Variants in UGGT2 observed in about 807,000 individuals in gnomAD.
UGGT2 encodes UDP-glucose glycoprotein glucosyltransferase 2, also known as UDP-glucose:glycoprotein glucosyltransferase 2.
A neutral mutation model predicts 192.1 loss-of-function variants in UGGT2; 180 were observed. The ratio of observed to expected loss-of-function variants is 0.94; its 90% CI spans 0.83 to 1.06. The LOEUF is 1.06. Among genes scored for constraint, UGGT2 ranks in the 50% least tolerant of loss-of-function variants. The probability of loss-of-function intolerance (pLI) is 0.00; values close to 1 mark genes in which losing one functional copy is unlikely to be tolerated. For missense variants in UGGT2, 1,849 were observed against 1,795.7 expected (o/e 1.03, Z -0.54); for synonymous variants, 580 against 591.0 (o/e 0.98, Z 0.27).
intron 26 of UGGT2, among the ~76,000 whole-genome samples, chr13:95,885,848 G>A (rs2047630513): frequency 6.6e-6 from 1 of 151,768 alleles, no homozygotes; most frequent in African/African-American, 2.4e-5. Flanking sequence ...CAAAGAGAAA[G>A]TTAAAGAGAA....
At chr13:96,003,675 T>G (rs2051878621) in intron 5 of UGGT2, among the ~76,000 whole-genome samples, 1 of 152,116 alleles carries the variant, frequency 6.6e-6, no homozygotes. Context: ...AAAGGCCATG[T>G]AGAAAAAGAC....
At position 95,847,556 on chromosome 13, in the gene UGGT2, A is replaced by G. The variant is rs538633676; in HGVS notation, c.4284+5987T>C. ...TGTCATATAGTTAGAATAATACAGT[A>G]TGTAATCTTTTCAGATTGGCTTCTT... On this transcript the variant is annotated intron_variant, in intron 36 of 38. Transcript: ENST00000376747. 5.3e-5 allele frequency among the ~76,000 whole-genome samples: 8 copies of G among 152,336 alleles called. 1 individual carries two copies. The highest frequency in any genetic ancestry group is 1.9e-4 in the African/African-American group (8 of 41,582).
At chr13:95,979,703 G>A (rs1317972175) in intron 10 of UGGT2, among the ~76,000 whole-genome samples, 2 of 152,062 alleles carry the variant, frequency 1.3e-5, no homozygotes, top group African/African-American at 4.8e-5. Flanking sequence ...AAGGACAGCA[G>A]AGTTAGCAGA....
chr13:95,858,938 T>C (rs1381966904), intron 33 of UGGT2, among the ~76,000 whole-genome samples: 1 of 152,204 alleles, frequency 6.6e-6, no homozygotes, highest in African/African-American at 2.4e-5. Context: ...GCTTTTGGTC[T>C]AGAAAAAACA....
chr13:95,964,796 T>TA (rs2050514797), intron 12 of UGGT2, among the ~76,000 whole-genome samples: 1 of 151,516 alleles, frequency 6.6e-6, no homozygotes, highest in Non-Finnish European at 1.5e-5. Context: ...CTACCATCAG[T>TA]GTGAACAGGC....
At chr13:95,873,451 T>C (rs935184248) in intron 29 of UGGT2, among the ~76,000 whole-genome samples, 1 of 152,176 alleles carries the variant, frequency 6.6e-6, no homozygotes, top group Non-Finnish European at 1.5e-5. Context: ...CCCAAATGGG[T>C]CCAGCTGGTA....
chr13:95,937,186 G>A (rs2049495371), intron 16 of UGGT2, 98 bp from the exon 17 acceptor site: 9 of 1,315,030 alleles, frequency 6.8e-6, no homozygotes, highest in African/African-American at 6.2e-5. Context: ...ATATGCCATA[G>A]GAAAAAACAT....
chr13:95,930,963 G>C (rs2049237719), intron 17 of UGGT2, among the ~76,000 whole-genome samples: 2 of 152,146 alleles, frequency 1.3e-5, no homozygotes, highest in South Asian at 4.1e-4. Context: ...AAGAGCAAAA[G>C]AACAAACCTC....
chr13:95,834,217 TTG>T (rs3052314), intron 37 of UGGT2, among the ~76,000 whole-genome samples: 99,032 of 150,826 alleles, frequency 0.66, 34,333 homozygotes, highest in Non-Finnish European at 0.79. Flanking sequence ...TACATTGGGT[TTG>T]TGTGTGTGTG....
chr13:95,894,081 G>A (rs1242436283), intron 24 of UGGT2, among the ~76,000 whole-genome samples: 2 of 152,200 alleles, frequency 1.3e-5, no homozygotes, highest in Admixed American at 1.3e-4. Flanking sequence ...CACCTTGCTG[G>A]CCTGAGGCAG....
rs756367512 is a variant in UGGT2, at chr13:95,895,226, C to T, written c.2713G>A (p.Glu905Lys). 1 of 1,581,306 alleles carries T rather than the reference C, an allele frequency of 6.3e-7. No homozygotes were observed. Among genetic ancestry groups the T allele is most frequent in the African/African-American group, 1.4e-5 (1 of 73,238 alleles). Reference protein sequence around the residue: ...LEKITFSNLGEKIKGIVENMG... With the variant: ...LEKITFSNLGKKIKGIVENMG... ...TTTTCAACAATGCCTTTAATTTTCT[C>T]TCCTAAATTACTAAATGTTATCTTT... is the stretch of plus-strand genomic sequence containing the variant. The change falls in exon 23 of 39, where the codon GAG becomes AAG. Residue 905 changes from glutamate to lysine, a missense_variant. By Grantham distance (56) the Glu-to-Lys change is moderately conservative. Transcript: ENST00000376747.
intron 12 of UGGT2, among the ~76,000 whole-genome samples, chr13:95,951,081 A>G (rs2050046511): frequency 6.6e-6 from 1 of 152,242 alleles, no homozygotes; most frequent in African/African-American, 2.4e-5. Flanking sequence ...AGTCAGAGGC[A>G]GTGGCTTCAG....
chr13:96,004,477 TAC>T (rs2051907316), intron 5 of UGGT2, among the ~76,000 whole-genome samples: 1 of 152,100 alleles, frequency 6.6e-6, no homozygotes. Context: ...GGTATAAAAA[TAC>T]AGTTAGGAAG....
chr13:95,848,232 A>G (rs562139836), intron 36 of UGGT2, among the ~76,000 whole-genome samples: 105 of 152,330 alleles, frequency 6.9e-4, no homozygotes, highest in Non-Finnish European at 1.2e-3. Flanking sequence ...TTTTACAAAT[A>G]TATTTTTGCC....
chr13:95,867,830 A>G (rs1248850813), intron 29 of UGGT2, among the ~76,000 whole-genome samples: 1 of 152,168 alleles, frequency 6.6e-6, no homozygotes, highest in African/African-American at 2.4e-5. Flanking sequence ...ACACTATCCA[A>G]CTTTTTAATA....
In UGGT2 at chr13:95,949,336, A is replaced by G. The variant is rs2140612644; in HGVS notation, c.1454T>C (p.Leu485Ser). Residue 485 changes from leucine (L) to serine (S), a missense_variant and splice_region_variant, in exon 13 of 39, where the codon TTG (leucine) becomes TCG (serine). Coordinates refer to ENST00000376747, the MANE Select transcript of UGGT2 (RefSeq NM_020121.4). ...GTATAATCAAAATATAAAACTCACC[A>G]AATTATGAAAATTGCGCCTTATGGA... ...VPSIRRNFHN[L>S]VLFIDPAQEY... 1 of 1,533,212 alleles carries G rather than the reference A, an allele frequency of 6.5e-7. No homozygotes were observed. The highest frequency in any genetic ancestry group is 2.4e-4 in the Middle Eastern group (1 of 4,146). The allele number at this position is 1,533,212 out of a possible 1,614,324, so 95.0% of individuals were successfully genotyped here. A position where few individuals can be genotyped will look rare whatever the true frequency, so the allele number is the denominator to read the frequency against.
Position 95,833,037 on chromosome 13 carries a change from G to GT in UGGT2, c.4417dup (p.Thr1473AsnfsTer20), listed in dbSNP as rs771116508. 1.2e-6 allele frequency: 2 copies of GT among 1,612,014 alleles called. No individual in the cohort carries two copies. The highest frequency in any genetic ancestry group is 2.2e-5 in the South Asian group (2 of 90,990). ...AGCAGCTTTTAGTTTGGATTCTTTT[G>GT]TTTTGGGATTATTGCACTAAAAGTT... On this transcript the variant is annotated frameshift_variant, in exon 38 of 39. Coordinates refer to ENST00000376747, the MANE Select transcript of UGGT2 (RefSeq NM_020121.4). LOFTEE classifies it high-confidence loss of function.
At chr13:96,011,942 T>C (rs2052175034) in intron 5 of UGGT2, among the ~76,000 whole-genome samples, 1 of 152,112 alleles carries the variant, frequency 6.6e-6, no homozygotes, top group African/African-American at 2.4e-5. Context: ...ACATGTTTCA[T>C]GGAACCTGGC....
intron 11 of UGGT2, among the ~76,000 whole-genome samples, chr13:95,972,232 A>G (rs907583396): frequency 5.9e-5 from 9 of 152,116 alleles, no homozygotes; most frequent in Non-Finnish European, 1.2e-4. Flanking sequence ...TTCTGGGGAA[A>G]TACCCCATGT....
Sources: gnomAD v4.1 joint callset for allele counts (sites outside exome capture counted in the v4.1 genomes callset) on GRCh38, gnomAD v4.1.1 for gene constraint, MANE v1.5 for transcripts, NCBI Gene and HGNC (gene_info 2026-07-23, HGNC 2026-07-21) for gene names.